NXNL2: variants seen among roughly 807,000 people sequenced by gnomAD.
NXNL2 encodes the protein nucleoredoxin like 2, also known as nucleoredoxin-like protein 2.
In NXNL2, 7 loss-of-function variants were observed where a neutral mutation model predicts 11.1. The ratio of observed to expected loss-of-function variants is 0.63; its 90% CI spans 0.36 to 1.18. The LOEUF is 1.18. Ranked by LOEUF, NXNL2 falls within the 50% of genes most tolerant of loss-of-function variation. The pLI is 0.02. For synonymous variants in NXNL2, 109 were observed against 101.8 expected, an observed-to-expected ratio of 1.07 and a Z score of -0.42; for missense variants, 233 against 217.7, an observed-to-expected ratio of 1.07 and a Z score of -0.44.
chr9:88,553,408 G>C (rs1829969494), intron 1 of NXNL2, among the ~76,000 whole-genome samples: 1 of 152,112 alleles, frequency 6.6e-6, no homozygotes, highest in Admixed American at 6.6e-5. Flanking sequence ...TCCCCAAATA[G>C]CCCTCCAGAG....
chr9:88,582,491 AAAG>A (rs772919055), intron 1 of NXNL2, among the ~76,000 whole-genome samples: 8 of 152,170 alleles, frequency 5.3e-5, no homozygotes, highest in Non-Finnish European at 1.0e-4. Flanking sequence ...AAATGAAAAA[AAAG>A]AAAAGCAGTC....
chr9:88,538,344 G>T (rs1829673055), intron 1 of NXNL2: 1 of 152,212 alleles, frequency 6.6e-6, no homozygotes, highest in Non-Finnish European at 1.5e-5. Flanking sequence ...TGTTGCAAGT[G>T]ATTAAAACAG....
At chr9:88,556,288 A>T (rs895905538) in intron 1 of NXNL2, among the ~76,000 whole-genome samples, 1 of 152,156 alleles carries the variant, frequency 6.6e-6, no homozygotes, top group African/African-American at 2.4e-5. Flanking sequence ...AGAGGGCAGG[A>T]GGGCTACAGT....
At chr9:88,557,069 A>G (rs140615977) in intron 1 of NXNL2, among the ~76,000 whole-genome samples, 1,865 of 132,008 alleles carry the variant, frequency 0.014, 42 homozygotes, top group African/African-American at 0.051. Context: ...TGACAGAGTG[A>G]GACTCCATCT....
chr9:88,547,013 C>T (rs190933289), downstream of NXNL2, among the ~76,000 whole-genome samples: 98 of 152,324 alleles, frequency 6.4e-4, no homozygotes, highest in Middle Eastern at 0.01. Flanking sequence ...TGCCACCCTG[C>T]GTGTGGACAT....
chr9:88,564,277 TC>T lies in NXNL2; in HGVS notation c.303-6809del, dbSNP rs375777118. Among the ~76,000 whole-genome samples the T allele has an allele frequency of 3.2e-3, 396 of 124,868 alleles. 2 individuals are homozygous for T. Among genetic ancestry groups the T allele is most frequent in the African/African-American group, 0.011 (349 of 33,036 alleles). The allele number at this position is 124,868 out of a possible 152,430, so 81.9% of individuals were successfully genotyped here. ...ATCTATCTATCTATCTGTCTATCTA[TC>T]TATCTATTATCTATCTATCTATCTA... On this transcript the variant is annotated intron_variant, in intron 1 of 2. Transcript: ENST00000375855.
chr9:88,575,101 T>C (rs576143962), exon 3 of NXNL2: 44 of 983,366 alleles, frequency 4.5e-5, no homozygotes, highest in Non-Finnish European at 5.2e-5. Context: ...TGCTGTGAAT[T>C]ACGTGAGGGA....
intron 1 of NXNL2, among the ~76,000 whole-genome samples, chr9:88,550,125 C>T (rs1468842302): frequency 6.6e-6 from 1 of 152,166 alleles, no homozygotes; most frequent in Non-Finnish European, 1.5e-5. Context: ...GCCTGCCACA[C>T]ACTTTTAAAC....
chr9:88,576,311 AG>A (rs1360464142), downstream of NXNL2, among the ~76,000 whole-genome samples: 1 of 152,230 alleles, frequency 6.6e-6, no homozygotes, highest in Non-Finnish European at 1.5e-5. Context: ...AGACTTCTCA[AG>A]GTTTCTCGAC....
intron 1 of NXNL2, among the ~76,000 whole-genome samples, chr9:88,544,152 C>A (rs1829813981): frequency 6.6e-6 from 1 of 151,952 alleles, no homozygotes; most frequent in African/African-American, 2.4e-5. Flanking sequence ...GCCTGGGCGA[C>A]AAGAACAAAA....
At chr9:88,555,416 A>C (rs1829994759) in intron 1 of NXNL2, among the ~76,000 whole-genome samples, 1 of 152,124 alleles carries the variant, frequency 6.6e-6, no homozygotes, top group South Asian at 2.1e-4. Context: ...TCATGGCGCC[A>C]GTGGGAGTGT....
downstream of NXNL2, among the ~76,000 whole-genome samples, chr9:88,545,248 G>T (rs929154178): frequency 6.6e-6 from 1 of 152,158 alleles, no homozygotes; most frequent in Admixed American, 6.6e-5. Flanking sequence ...ATAATCCATC[G>T]AAGTAAACAA....
downstream of NXNL2, among the ~76,000 whole-genome samples, chr9:88,577,555 G>T (rs1286004134): frequency 7.2e-5 from 11 of 152,032 alleles, no homozygotes. Flanking sequence ...TCTGATGAAG[G>T]CCTGCTTCCT....
At chr9:88,577,533 T>G (rs12351857), downstream of NXNL2, among the ~76,000 whole-genome samples, 32,070 of 151,846 alleles carry the variant, frequency 0.21, 4,995 homozygotes, top group East Asian at 0.89. Context: ...CTAGGTGCTG[T>G]CAAATCTGGT....
chr9:88,557,712 G>A (rs761224070), intron 1 of NXNL2, among the ~76,000 whole-genome samples: 7 of 152,204 alleles, frequency 4.6e-5, no homozygotes, highest in Non-Finnish European at 8.8e-5. Flanking sequence ...ACTACCCAGA[G>A]GAGGAGAATG....
At chr9:88,566,977 T>TATCTATC (rs1830180470) in intron 1 of NXNL2, among the ~76,000 whole-genome samples, 1 of 120,582 alleles carries the variant, frequency 8.3e-6, no homozygotes, top group African/African-American at 3.1e-5. Flanking sequence ...ATCTATCATC[T>TATCTATC]ATCTATCTAT....
chr9:88,577,435 T>G (rs1587858334), downstream of NXNL2, among the ~76,000 whole-genome samples: 1 of 152,072 alleles, frequency 6.6e-6, no homozygotes, highest in African/African-American at 2.4e-5. Context: ...GAACTGCAGG[T>G]GCCAGCTCAG....
chr9:88,561,447 A>C (rs946598911), intron 1 of NXNL2, among the ~76,000 whole-genome samples: 1 of 151,988 alleles, frequency 6.6e-6, no homozygotes, highest in African/African-American at 2.4e-5. Context: ...CGATCAATCT[A>C]TCTACCATCT....
At chr9:88,568,764 A>T (rs1830215435) in intron 1 of NXNL2, among the ~76,000 whole-genome samples, 1 of 152,166 alleles carries the variant, frequency 6.6e-6, no homozygotes, top group East Asian at 1.9e-4. Context: ...AAATGTCAGT[A>T]TGTAGTTCAG....
Sources: gnomAD v4.1 joint callset for allele counts (sites outside exome capture counted in the v4.1 genomes callset) on GRCh38, gnomAD v4.1.1 for gene constraint, MANE v1.5 for transcripts, NCBI Gene and HGNC (gene_info 2026-07-23, HGNC 2026-07-21) for gene names.